GPC5: variants seen among roughly 807,000 people sequenced by gnomAD.
The protein encoded by GPC5 is glypican-5.
GPC5 carries 47 observed loss-of-function variants against 53.9 expected under a neutral mutation model. The observed-to-expected ratio is 0.87, with a 90% CI of 0.69 to 1.11. The LOEUF (loss-of-function observed/expected upper bound fraction) is 1.11, where lower values mean the gene tolerates loss of function less well. Among genes scored for constraint, GPC5 ranks in the 50% most tolerant of loss-of-function variants. The pLI is 0.00. For synonymous variants in GPC5, 286 were observed against 263.3 expected (o/e 1.09, Z -0.84); for missense variants, 748 against 713.1 (o/e 1.05, Z -0.56).
intron 7 of GPC5, among the ~76,000 whole-genome samples, chr13:92,336,505 A>T (rs1237842200): frequency 6.6e-6 from 1 of 152,152 alleles, no homozygotes; most frequent in Non-Finnish European, 1.5e-5. Flanking sequence ...ACTAAGATGT[A>T]TCTTTAAATA....
intron 2 of GPC5, among the ~76,000 whole-genome samples, chr13:91,469,506 A>G (rs9556091): frequency 0.46 from 70,347 of 151,754 alleles, 16,650 homozygotes; most frequent in East Asian, 0.58. Flanking sequence ...AGCACCAGGG[A>G]TTCTCCCACC....
At chr13:92,468,585 T>C (rs1878791362) in intron 7 of GPC5, among the ~76,000 whole-genome samples, 1 of 152,142 alleles carries the variant, frequency 6.6e-6, no homozygotes, top group South Asian at 2.1e-4. Context: ...ACTATTTGTA[T>C]TTACATAAGC....
intron 7 of GPC5, among the ~76,000 whole-genome samples, chr13:92,159,638 C>T (rs1290290544): frequency 7.6e-6 from 1 of 131,748 alleles, no homozygotes; most frequent in Non-Finnish European, 1.6e-5. Context: ...AGTGTCGCTC[C>T]GTCGCCCAGG....
intron 7 of GPC5, among the ~76,000 whole-genome samples, chr13:92,803,743 T>C (rs1876992414): frequency 6.6e-6 from 1 of 152,004 alleles, no homozygotes; most frequent in Non-Finnish European, 1.5e-5. Context: ...AATTTGTATT[T>C]TAAAAGGCTA....
intron 7 of GPC5, among the ~76,000 whole-genome samples, chr13:92,534,686 T>C (rs1340020526): frequency 1.3e-5 from 2 of 152,138 alleles, no homozygotes; most frequent in Non-Finnish European, 2.9e-5. Context: ...ATATTTTCTC[T>C]TCACTCAAAA....
chr13:91,410,382 G>A (rs1594049776), intron 1 of GPC5, among the ~76,000 whole-genome samples: 1 of 114,568 alleles, frequency 8.7e-6, no homozygotes, highest in African/African-American at 3.5e-5. Context: ...GTCTCTCTCT[G>A]TCGCCCAGGC....
intron 2 of GPC5, among the ~76,000 whole-genome samples, chr13:91,656,357 A>G (rs988625927): frequency 2.0e-5 from 3 of 152,204 alleles, no homozygotes; most frequent in Admixed American, 6.6e-5. Flanking sequence ...CTGCTATTCA[A>G]GAATGTATCC....
chr13:92,344,082 G>C (rs60704336), intron 7 of GPC5, among the ~76,000 whole-genome samples: 1 of 151,726 alleles, frequency 6.6e-6, no homozygotes, highest in African/African-American at 2.4e-5. Flanking sequence ...TCCTTCTAAG[G>C]TTTCTAGAAA....
rs963874978 is a variant in GPC5 at position 91,776,839 on chromosome 13, G to A, written c.1280+20419G>A. On this transcript the variant is annotated intron_variant, in intron 5 of 7. Coordinates refer to ENST00000377067, the MANE Select transcript of GPC5 (RefSeq NM_004466.6). ...TGGCTCACATGAGTAATAAGACAGTGTTGAAGTCTAATTTACTGTTCAAAT... is the reference window on the plus strand; with the variant it reads ...TGGCTCACATGAGTAATAAGACAGTATTGAAGTCTAATTTACTGTTCAAAT... Among the ~76,000 whole-genome samples, 10 of 152,176 alleles carry A rather than the reference G, an allele frequency of 6.6e-5. No individual in the cohort carries two copies. In the South Asian group the frequency reaches 1.0e-3, roughly 16 times the overall value.
chr13:91,971,140 C>CTG (rs2040237926), intron 6 of GPC5, among the ~76,000 whole-genome samples: 1 of 152,170 alleles, frequency 6.6e-6, no homozygotes, highest in Non-Finnish European at 1.5e-5. Flanking sequence ...CCCACAATTT[C>CTG]AGAGCCTGTT....
At chr13:91,607,985 G>A (rs983334853) in intron 2 of GPC5, among the ~76,000 whole-genome samples, 1 of 152,086 alleles carries the variant, frequency 6.6e-6, no homozygotes, top group African/African-American at 2.4e-5. Context: ...AGTTCAACAA[G>A]CATTATCCTC....
chr13:92,545,263 T>G (rs1321454989), intron 7 of GPC5, among the ~76,000 whole-genome samples: 6 of 152,212 alleles, frequency 3.9e-5, no homozygotes, highest in South Asian at 4.2e-4. Flanking sequence ...CATTTTTTAT[T>G]GCTGCATAGT....
intron 5 of GPC5, among the ~76,000 whole-genome samples, chr13:91,898,937 A>G (rs1042889072): frequency 2.0e-5 from 3 of 152,228 alleles, no homozygotes; most frequent in African/African-American, 7.2e-5. Context: ...TGAGCTATTT[A>G]TAATAAATTT....
intron 2 of GPC5, among the ~76,000 whole-genome samples, chr13:91,558,379 T>G (rs990483409): frequency 6.6e-6 from 1 of 152,162 alleles, no homozygotes; most frequent in African/African-American, 2.4e-5. Context: ...GCATATTGTT[T>G]TAGTTACACT....
intron 6 of GPC5, among the ~76,000 whole-genome samples, chr13:92,112,605 G>T (rs1358033226): frequency 2.0e-5 from 3 of 152,112 alleles, no homozygotes; most frequent in African/African-American, 7.2e-5. Context: ...AATGATAGTG[G>T]ATTATGATTT....
At chr13:91,918,223 C>T (rs2039678611) in intron 6 of GPC5, among the ~76,000 whole-genome samples, 1 of 152,146 alleles carries the variant, frequency 6.6e-6, no homozygotes, top group African/African-American at 2.4e-5. Flanking sequence ...ATCACAAGAA[C>T]AGCATAAGGG....
At chr13:91,556,522 G>GTATATATATATATA (rs202160698) in intron 2 of GPC5, among the ~76,000 whole-genome samples, 8 of 147,514 alleles carry the variant, frequency 5.4e-5, no homozygotes, top group African/African-American at 2.0e-4. Flanking sequence ...TGCAGTATGT[G>GTATATATATATATA]TATATATATA....
chr13:91,633,864 G>A (rs2034221089), intron 2 of GPC5, among the ~76,000 whole-genome samples: 1 of 152,080 alleles, frequency 6.6e-6, no homozygotes, highest in Non-Finnish European at 1.5e-5. Context: ...TGACTTCCCT[G>A]ATGGGTGGTT....
intron 2 of GPC5, among the ~76,000 whole-genome samples, 185 bp downstream of exon 2, chr13:91,449,107 C>A (rs972550554): frequency 6.6e-6 from 1 of 152,010 alleles, no homozygotes; most frequent in African/African-American, 2.4e-5. Context: ...GGAGTATATA[C>A]TGAGTTGGAT....
Sources: gnomAD v4.1 joint callset for allele counts (sites outside exome capture counted in the v4.1 genomes callset) on GRCh38, gnomAD v4.1.1 for gene constraint, MANE v1.5 for transcripts, NCBI Gene and HGNC (gene_info 2026-07-23, HGNC 2026-07-21) for gene names.